Variants in NOSIP observed in about 807,000 individuals in gnomAD.
NOSIP encodes the protein nitric oxide synthase-interacting protein.
A neutral mutation model predicts 36.4 loss-of-function variants in NOSIP; 25 were observed. That is an observed-to-expected ratio of 0.69 (90% CI 0.50 to 0.96). The LOEUF (loss-of-function observed/expected upper bound fraction) is 0.96. Ranked by LOEUF, NOSIP falls within the 40% of genes least tolerant of loss-of-function variation. The pLI, the probability that NOSIP is intolerant of heterozygous loss-of-function variation, is 0.00. For missense variants in NOSIP, 370 were observed against 429.0 expected, an observed-to-expected ratio of 0.86 and a Z score of 1.21; for synonymous variants, 187 against 179.2, an observed-to-expected ratio of 1.04 and a Z score of -0.35.
rs1303135812 is a variant in NOSIP at position 49,557,186 on chromosome 19, G to A, written c.322C>T (p.Gln108Ter). 1 of 1,608,200 alleles carries A rather than the reference G, an allele frequency of 6.2e-7. No homozygotes were observed. Among genetic ancestry groups the A allele is most frequent in the Admixed American group, 1.7e-5 (1 of 59,152 alleles). Reference sequence around the variant, plus strand: ...TCCAGGAAGCCCCGCACATGGTCCTGCGAGGCCGCCCGCTGAAGCTCCTTC... The same window carrying A: ...TCCAGGAAGCCCCGCACATGGTCCTACGAGGCCGCCCGCTGAAGCTCCTTC... ...EQKELQRAAS[Q>*]DHVRGFLEKE... is the part of the protein sequence containing the mutation. The change falls in exon 5 of 9, where the codon CAG becomes TAG. Residue 108 changes from glutamine to a stop codon, truncating the protein, a stop_gained. Transcript: ENST00000596358. LOFTEE classifies it high-confidence loss of function.
At chr19:49,558,803 G>T in intron 4 of NOSIP, 94 bp downstream of exon 4, 1 of 998,306 alleles carries the variant, frequency 1.0e-6, no homozygotes, top group Non-Finnish European at 1.6e-6. Context: ...CAGGCAGAGG[G>T]AACTGAGATC....
intron 1 of NOSIP, among the ~76,000 whole-genome samples, chr19:49,570,528 A>G (rs1427041389): frequency 6.6e-6 from 1 of 152,036 alleles, no homozygotes; most frequent in African/African-American, 2.4e-5. Context: ...CTATCACGCT[A>G]AATACCCCCT....
chr19:49,564,809 T>C (rs929343760), intron 1 of NOSIP, among the ~76,000 whole-genome samples: 19 of 152,248 alleles, frequency 1.2e-4, no homozygotes, highest in Middle Eastern at 3.4e-3. Flanking sequence ...AACTGGGCCA[T>C]ATCACATAAT....
chr19:49,555,808 G>A lies in NOSIP; in HGVS notation c.849C>T (p.Phe283=), dbSNP rs1314707606. 2.5e-6 allele frequency: 4 copies of A among 1,613,304 alleles called. No homozygotes were observed. Among genetic ancestry groups the A allele is most frequent in the Admixed American group, 1.7e-5 (1 of 59,992 alleles). Residue 283 remains phenylalanine (F), a synonymous_variant, in exon 9 of 9, where the codon TTC becomes TTT. Transcript: ENST00000596358. ...IIVLQRGGTG[F]AGSGVKLQAE... ...CTTGCAGCTTCACTCCGGAGCCCGC[G>A]AAGCCGGTACCGCCCTGGGGGAGGT... is the stretch of plus-strand genomic sequence containing the variant.
At chr19:49,558,814 A>T (rs1335774997) in intron 4 of NOSIP, 83 bp downstream of exon 4, 2 of 1,098,654 alleles carry the variant, frequency 1.8e-6, no homozygotes, top group East Asian at 4.7e-5. Flanking sequence ...AACTGAGATC[A>T]GAGGGCTCTG....
rs759704726 is a variant in NOSIP, at chr19:49,555,667, C to A, written c.*84G>T. On this transcript the variant is annotated 3_prime_UTR_variant, in exon 9 of 9. Coordinates refer to ENST00000596358, the MANE Select transcript of NOSIP (RefSeq NM_001270960.2). ...TGCACGGCCCTGCATCCTCGCCTGC[C>A]CTGTCCCCGGGGCGCCCACGCCGCG... 8.6e-7 allele frequency: 1 copy of A among 1,168,176 alleles called. No homozygotes were observed. Among genetic ancestry groups the A allele is most frequent in the South Asian group, 1.3e-5 (1 of 78,018 alleles). 72.4% of individuals were successfully genotyped at this position (1,168,176 alleles called of 1,614,324 possible). A position where few individuals can be genotyped will look rare whatever the true frequency, so the allele number is the denominator to read the frequency against.
At chr19:49,577,955 G>A (rs74861709) in intron 1 of NOSIP, among the ~76,000 whole-genome samples, 2,528 of 152,082 alleles carry the variant, frequency 0.017, 138 homozygotes, top group East Asian at 0.13. Context: ...GGGAAGGATT[G>A]GGAGGAAATA....
Position 49,558,955 on chromosome 19 carries a change from C to T in NOSIP, c.200G>A (p.Arg67His), listed in dbSNP as rs938456550. The T allele has an allele frequency of 2.4e-5, 39 of 1,613,690 alleles. No individual in the cohort carries two copies. Among genetic ancestry groups the T allele is most frequent in the African/African-American group, 9.4e-5 (7 of 74,842 alleles). Residue 67 changes from arginine to histidine, a missense_variant, in exon 4 of 9, where the codon CGT becomes CAT. Physicochemically the swap from Arg to His is conservative, Grantham distance 29 (BLOSUM62 0). Transcript: ENST00000596358. ...VVTPDGYLYE[R>H]EAILEYILHQ... ...CAGAATGTACTCCAGGATGGCCTCA[C>T]GCTCATACAGGTAGCCATCTGGGCT...
chr19:49,567,104 C>T (rs1250769452), intron 1 of NOSIP, among the ~76,000 whole-genome samples: 2 of 150,050 alleles, frequency 1.3e-5, no homozygotes, highest in Admixed American at 6.7e-5. Context: ...GCATGAGCCA[C>T]CGTGCCCAGC....
chr19:49,566,541 T>A (rs1159955791), intron 1 of NOSIP: 1 of 152,034 alleles, frequency 6.6e-6, no homozygotes, highest in Non-Finnish European at 1.5e-5. Flanking sequence ...GCTCAAGTGG[T>A]CCTCCTGCTT....
rs1051261310 is a variant in NOSIP, at chr19:49,560,928, T to C, written c.-1-236A>G. 6.6e-6 allele frequency among the ~76,000 whole-genome samples: 1 copy of C among 152,020 alleles called. No homozygotes were observed. Among genetic ancestry groups the C allele is most frequent in the Non-Finnish European group, 1.5e-5 (1 of 68,000 alleles). On this transcript the variant is annotated intron_variant, in intron 1 of 8. Transcript: ENST00000596358. This position sits in a 1 kb window ranked among gnomAD's most constrained non-coding sequence, Gnocchi z 4.6. ...AAAATAGCACCTTTAACAACAAAAC[T>C]CTTTGTTTGGAGGTAAGAGGGTGAG... is the stretch of plus-strand genomic sequence containing the variant.
intron 1 of NOSIP, chr19:49,566,796 T>TAC (rs2080414373): frequency 1.3e-5 from 2 of 149,610 alleles, no homozygotes; most frequent in African/African-American, 5.0e-5. Context: ...TATACATACA[T>TAC]ATATATATAT....
rs1360034901 is a variant in NOSIP at position 49,556,733 on chromosome 19, G to A, written c.541C>T (p.Arg181Cys). ...CCTGACATGGGGCAGGTCACCGTGC[G>A]GGACTGCAAGGGGCAGAGAGAGGCG... is the stretch of plus-strand genomic sequence containing the variant. Reference protein sequence around the residue: ...AKATKLEKPSRTVTCPMSGKP... With the variant: ...AKATKLEKPSCTVTCPMSGKP... The change falls in exon 7 of 9, where the codon CGC (arginine) becomes TGC (cysteine). Residue 181 changes from arginine (R) to cysteine (C), a missense_variant. Physicochemically the swap from Arg to Cys is radical, Grantham distance 180. Coordinates refer to ENST00000596358, the MANE Select transcript of NOSIP (RefSeq NM_001270960.2). 4 of 1,605,308 alleles carry A rather than the reference G, an allele frequency of 2.5e-6. No homozygotes were observed. Among genetic ancestry groups the A allele is most frequent in the Non-Finnish European group, 2.6e-6 (3 of 1,174,802 alleles).
At chr19:49,555,849 G>GT in intron 8 of NOSIP, 27 bp from the exon 9 acceptor site, 4 of 1,588,114 alleles carry the variant, frequency 2.5e-6, no homozygotes, top group Non-Finnish European at 3.5e-6. Flanking sequence ...GAAGGACGAG[G>GT]TAGAGGCCGG....
intron 1 of NOSIP, among the ~76,000 whole-genome samples, chr19:49,561,380 T>C (rs974081224): frequency 1.3e-5 from 2 of 152,188 alleles, no homozygotes; most frequent in African/African-American, 2.4e-5. Context: ...GCAAAGCTTT[T>C]TTTATTCTGT....
rs2080294448 is a variant in NOSIP at position 49,558,979 on chromosome 19, C to A, written c.177-1G>T. 1 of 1,612,904 alleles carries A rather than the reference C, an allele frequency of 6.2e-7. No individual in the cohort carries two copies. The highest frequency in any genetic ancestry group is 8.5e-7 in the Non-Finnish European group (1 of 1,179,360). On this transcript the variant is annotated splice_acceptor_variant, in intron 3 of 8. Transcript: ENST00000596358. LOFTEE classifies it high-confidence loss of function. ...ACGCTCATACAGGTAGCCATCTGGG[C>A]TGCAAAGACAGGGTGCAATGAGAAA...
At chr19:49,577,337 T>A (rs2080566649) in intron 1 of NOSIP, among the ~76,000 whole-genome samples, 1 of 151,948 alleles carries the variant, frequency 6.6e-6, no homozygotes, top group East Asian at 1.9e-4. Context: ...AGCGGGCGGA[T>A]CATGAGGTCA....
chr19:49,573,861 T>A (rs1209285366), intron 1 of NOSIP, among the ~76,000 whole-genome samples: 2 of 149,996 alleles, frequency 1.3e-5, no homozygotes, highest in African/African-American at 2.5e-5. Context: ...TGAAGTATTT[T>A]TTTTTTTTTT....
At position 49,560,373 on chromosome 19, in the gene NOSIP, G is replaced by A. The variant is rs1469329292; in HGVS notation, c.70+249C>T. 5 of 582,514 alleles carry A rather than the reference G, an allele frequency of 8.6e-6. No individual in the cohort carries two copies. The highest frequency in any genetic ancestry group is 1.5e-5 in the Non-Finnish European group (5 of 325,972). The allele number at this position is 582,514 out of a possible 1,614,324, so 36.1% of individuals were successfully genotyped here. A position where few individuals can be genotyped will look rare whatever the true frequency, so the allele number is the denominator to read the frequency against. On this transcript the variant is annotated intron_variant, in intron 2 of 8. Coordinates refer to ENST00000596358, the MANE Select transcript of NOSIP (RefSeq NM_001270960.2). This position sits in a 1 kb window ranked among gnomAD's most constrained non-coding sequence, Gnocchi z 4.6. ...CCTCAGTTTCTTCCTCTGGAACATG[G>A]GGTAACAAGAGCACCCTCCCTGACA...
Sources: gnomAD v4.1 joint callset for allele counts (sites outside exome capture counted in the v4.1 genomes callset) on GRCh38, gnomAD v4.1.1 for gene constraint, Gnocchi (gnomAD v3.1) non-coding constraint, MANE v1.5 for transcripts, NCBI Gene and HGNC (gene_info 2026-07-23, HGNC 2026-07-21) for gene names.